Variants in TRAM1 observed in about 807,000 individuals in gnomAD.
TRAM1 encodes translocating chain-associated membrane protein 1.
In TRAM1, 17 loss-of-function variants were observed where a neutral mutation model predicts 48.7. The observed-to-expected ratio is 0.35, with a 90% CI of 0.24 to 0.52. The LOEUF (loss-of-function observed/expected upper bound fraction) is 0.52, where lower values mean the gene tolerates loss of function less well. TRAM1 is among the 20% of genes least tolerant of loss of function. TRAM1 has a pLI of 0.94. For synonymous variants in TRAM1, 182 were observed against 154.0 expected, an observed-to-expected ratio of 1.18 and a Z score of -1.34; for missense variants, 351 against 441.5, an observed-to-expected ratio of 0.79 and a Z score of 1.84.
intron 10 of TRAM1, among the ~76,000 whole-genome samples, chr8:70,579,805 A>G (rs891225693): frequency 6.6e-6 from 1 of 152,192 alleles, no homozygotes; most frequent in Non-Finnish European, 1.5e-5. Flanking sequence ...TTCATTTCTT[A>G]TATTGAATAT....
chr8:70,594,304 G>GT (rs1563387335), intron 6 of TRAM1, among the ~76,000 whole-genome samples: 5 of 84,046 alleles, frequency 5.9e-5, no homozygotes, highest in Non-Finnish European at 1.4e-4. Flanking sequence ...ACTGACTGAA[G>GT]GTTTTTTTTT....
intron 1 of TRAM1, among the ~76,000 whole-genome samples, chr8:70,603,811 C>T (rs1817661726): frequency 6.6e-6 from 1 of 152,122 alleles, no homozygotes; most frequent in Admixed American, 6.5e-5. Context: ...TCCTTTTAGC[C>T]AGGCTTCCAA....
chr8:70,578,025 C>G (rs1447358320), intron 10 of TRAM1, among the ~76,000 whole-genome samples: 2 of 152,242 alleles, frequency 1.3e-5, no homozygotes, highest in African/African-American at 4.8e-5. Flanking sequence ...CCCCCTGCTG[C>G]TCCACGTCTG....
intron 1 of TRAM1, among the ~76,000 whole-genome samples, chr8:70,601,361 T>A (rs1817604162): frequency 6.6e-6 from 1 of 152,230 alleles, no homozygotes; most frequent in African/African-American, 2.4e-5. Context: ...ATATTTCCCA[T>A]CAGATCTCAG....
At chr8:70,604,733 A>G (rs773820087) in intron 1 of TRAM1, among the ~76,000 whole-genome samples, 2 of 152,132 alleles carry the variant, frequency 1.3e-5, no homozygotes, top group Non-Finnish European at 2.9e-5. Context: ...TGTATGGCAT[A>G]AAGAACTTGC....
rs1817121141 is a variant in TRAM1, at chr8:70,583,294, A to G, written c.921T>C (p.Thr307=). 2 of 1,613,918 alleles carry G rather than the reference A, an allele frequency of 1.2e-6. No homozygotes were observed. Among genetic ancestry groups the G allele is most frequent in the Non-Finnish European group, 1.7e-6 (2 of 1,179,952 alleles). The change falls in exon 10 of 11, where the codon ACT becomes ACC. Residue 307 remains threonine (T), a synonymous_variant. Transcript: ENST00000262213. ...RIAVLASICV[T]QAFMMWKFIN... The stretch of plus-strand genomic sequence containing the variant: ...TGAACTTCCACATCATAAATGCCTG[A>G]GTAACGCAAATGGATGCCAGAACAG...
intron 6 of TRAM1, among the ~76,000 whole-genome samples, chr8:70,591,323 G>C (rs959797267): frequency 1.3e-5 from 2 of 152,080 alleles, no homozygotes; most frequent in Non-Finnish European, 2.9e-5. Flanking sequence ...CTACTTTTTA[G>C]TATTCCTGTG....
intron 6 of TRAM1, among the ~76,000 whole-genome samples, chr8:70,594,115 G>C (rs1471308734): frequency 1.3e-5 from 2 of 152,064 alleles, no homozygotes; most frequent in African/African-American, 4.8e-5. Context: ...ACACAGAACT[G>C]TTAGTTGTAA....
At chr8:70,597,775 G>T in intron 4 of TRAM1, 120 bp downstream of exon 4, 2 of 573,244 alleles carry the variant, frequency 3.5e-6, no homozygotes, top group Non-Finnish European at 5.4e-6. Flanking sequence ...AATTTTTGCT[G>T]TATAAAAAAA....
intron 1 of TRAM1, among the ~76,000 whole-genome samples, chr8:70,602,696 G>T (rs771762259): frequency 1.3e-5 from 2 of 152,158 alleles, no homozygotes; most frequent in African/African-American, 2.4e-5. Context: ...AAAAGATACC[G>T]GATGCGAATG....
chr8:70,596,576 A>G (rs1360091906), intron 4 of TRAM1, among the ~76,000 whole-genome samples: 14 of 152,170 alleles, frequency 9.2e-5, no homozygotes, highest in Non-Finnish European at 2.9e-5. Context: ...AAATCTTTCA[A>G]TCCCATAGAA....
At chr8:70,583,567 T>C in intron 9 of TRAM1, 83 bp downstream of exon 9, 1 of 1,523,136 alleles carries the variant, frequency 6.6e-7, no homozygotes, top group South Asian at 1.3e-5. Context: ...TATTCATCCT[T>C]TTTTAGATGA....
Position 70,598,174 on chromosome 8 carries a change from G to A in TRAM1, c.269C>T (p.Ala90Val), listed in dbSNP as rs775026412. The A allele has an allele frequency of 9.3e-6, 15 of 1,612,224 alleles. No homozygotes were observed. The highest frequency in any genetic ancestry group is 1.3e-5 in the African/African-American group (1 of 74,748). The change falls in exon 3 of 11, where the codon GCG becomes GTG. Residue 90 changes from alanine (A) to valine (V), a missense_variant. Ala to Val is a moderately conservative substitution (Grantham distance 64). Transcript: ENST00000262213. ...TTGAATTACGGCATGAATAATTATC[G>A]CCACTAGCATGTAGAAGAAAACAGT... ...LATVFFYMLV[A>V]IIIHAVIQEY...
At chr8:70,600,147 CA>C (rs1817576190) in intron 1 of TRAM1, 65 bp from the exon 2 acceptor site, 2 of 1,274,778 alleles carry the variant, frequency 1.6e-6, no homozygotes, top group Admixed American at 3.6e-5. Context: ...CAGATCGGGG[CA>C]AAAACATTAT....
At chr8:70,598,613 G>C (rs938994691) in intron 2 of TRAM1, among the ~76,000 whole-genome samples, 11 of 151,868 alleles carry the variant, frequency 7.2e-5, no homozygotes, top group Admixed American at 2.6e-4. Context: ...TTTTTCAAAG[G>C]GCTTTTGAAA....
At chr8:70,589,690 T>G (rs1817307208) in intron 6 of TRAM1, among the ~76,000 whole-genome samples, 1 of 151,916 alleles carries the variant, frequency 6.6e-6, no homozygotes, top group South Asian at 2.1e-4. Flanking sequence ...TACAAAAAAT[T>G]AGCCAAGCAT....
chr8:70,603,303 TACAC>T (rs35864770), intron 1 of TRAM1, among the ~76,000 whole-genome samples: 49,863 of 149,790 alleles, frequency 0.33, 8,654 homozygotes, highest in East Asian at 0.54. Flanking sequence ...ATATGTTTTA[TACAC>T]ACACACACAC....
At chr8:70,592,344 T>C (rs1817384363) in intron 6 of TRAM1, among the ~76,000 whole-genome samples, 1 of 152,326 alleles carries the variant, frequency 6.6e-6, no homozygotes, top group African/African-American at 2.4e-5. Flanking sequence ...AAACAATCAC[T>C]GTACTAGTTT....
At chr8:70,585,877 G>A (rs1433721691) in intron 8 of TRAM1, among the ~76,000 whole-genome samples, 1 of 142,954 alleles carries the variant, frequency 7.0e-6, no homozygotes, top group Non-Finnish European at 1.5e-5. Flanking sequence ...ATTCCTCAGG[G>A]ATCTAGAACT....
Sources: gnomAD v4.1 joint callset for allele counts (sites outside exome capture counted in the v4.1 genomes callset) on GRCh38, gnomAD v4.1.1 for gene constraint, MANE v1.5 for transcripts, NCBI Gene and HGNC (gene_info 2026-07-23, HGNC 2026-07-21) for gene names.